YAP1: variants seen among roughly 807,000 people sequenced by gnomAD.
YAP1 encodes transcriptional coactivator YAP1.
A neutral mutation model predicts 56.9 loss-of-function variants in YAP1; 5 were observed. The ratio of observed to expected loss-of-function variants is 0.09; its 90% CI spans 0.05 to 0.18. The LOEUF (loss-of-function observed/expected upper bound fraction) is 0.18, where lower values mean the gene tolerates loss of function less well. Ranked by LOEUF, YAP1 falls within the 10% of genes least tolerant of loss-of-function variation. The probability of loss-of-function intolerance (pLI) is 1.00; values close to 1 mark genes in which losing one functional copy is unlikely to be tolerated. For synonymous variants in YAP1, 265 were observed against 248.1 expected (o/e 1.07, Z -0.64); for missense variants, 539 against 651.8 (o/e 0.83, Z 1.88).
intron 2 of YAP1, among the ~76,000 whole-genome samples, chr11:102,159,995 A>G (rs1484417388): frequency 1.3e-5 from 2 of 151,572 alleles, no homozygotes; most frequent in Non-Finnish European, 2.9e-5. Context: ...TGTATAGCTG[A>G]CAAAACCTGA....
At chr11:102,196,356 T>C (rs1311503312) in intron 4 of YAP1, among the ~76,000 whole-genome samples, 3 of 152,218 alleles carry the variant, frequency 2.0e-5, no homozygotes, top group Non-Finnish European at 4.4e-5. Context: ...AAATGTGGTA[T>C]ATTCATATAA....
chr11:102,112,073 C>T (rs1942966763), intron 1 of YAP1, among the ~76,000 whole-genome samples: 2 of 152,198 alleles, frequency 1.3e-5, no homozygotes, highest in Non-Finnish European at 2.9e-5. Flanking sequence ...GAATTAGCCA[C>T]ATCTGTACGT....
chr11:102,127,925 G>A (rs528384207), intron 2 of YAP1, among the ~76,000 whole-genome samples: 62 of 152,278 alleles, frequency 4.1e-4, no homozygotes, highest in African/African-American at 1.0e-3. Context: ...ACTGGATTTC[G>A]GACTCGCATG....
chr11:102,190,939 A>T (rs1356196176), intron 4 of YAP1, among the ~76,000 whole-genome samples: 1 of 151,860 alleles, frequency 6.6e-6, no homozygotes, highest in Non-Finnish European at 1.5e-5. Context: ...CCATCTCAAA[A>T]GCCGAGGCTG....
intron 6 of YAP1, among the ~76,000 whole-genome samples, chr11:102,220,476 T>C (rs887705675): frequency 2.6e-5 from 4 of 152,200 alleles, no homozygotes; most frequent in African/African-American, 4.8e-5. Context: ...AAATACACTT[T>C]GGCATTGCTT....
At chr11:102,111,651 C>G (rs1209635714) in intron 1 of YAP1, among the ~76,000 whole-genome samples, 5 of 152,138 alleles carry the variant, frequency 3.3e-5, no homozygotes, top group Non-Finnish European at 5.9e-5. Flanking sequence ...GGTGTGTTGC[C>G]AGCGGCGGCC....
chr11:102,185,449 G>A (rs1947897302), intron 3 of YAP1, among the ~76,000 whole-genome samples: 1 of 151,978 alleles, frequency 6.6e-6, no homozygotes, highest in African/African-American at 2.4e-5. Flanking sequence ...TTTCTGGTCT[G>A]CTGAAAAATA....
At chr11:102,185,068 A>C (rs749581452) in intron 3 of YAP1, among the ~76,000 whole-genome samples, 23 of 152,222 alleles carry the variant, frequency 1.5e-4, no homozygotes, top group Non-Finnish European at 2.9e-4. Context: ...AGTCCACAGA[A>C]GAAAAGATTT....
chr11:102,183,719 T>TGTGTGC (rs1947770607), intron 3 of YAP1, among the ~76,000 whole-genome samples: 2 of 151,554 alleles, frequency 1.3e-5, no homozygotes, highest in African/African-American at 4.9e-5. Context: ...TGTGTGTGTG[T>TGTGTGC]GTGTGTGTGT....
At chr11:102,208,299 A>G (rs867199514) in intron 5 of YAP1, among the ~76,000 whole-genome samples, 3 of 152,076 alleles carry the variant, frequency 2.0e-5, no homozygotes, top group Admixed American at 6.6e-5. Flanking sequence ...AGTATCTGGA[A>G]CTCACTTGGT....
At chr11:102,223,485 T>G in intron 6 of YAP1, 137 bp from the exon 7 acceptor site, 2 of 916,670 alleles carry the variant, frequency 2.2e-6, no homozygotes. Context: ...TCATTCTGAT[T>G]GGGAAATGTA....
chr11:102,186,197 C>T (rs988374833), intron 4 of YAP1, 66 bp downstream of exon 4: 7 of 1,526,038 alleles, frequency 4.6e-6, no homozygotes, highest in African/African-American at 2.8e-5. Flanking sequence ...AAATATACTT[C>T]GGAAAGCACA....
intron 2 of YAP1, among the ~76,000 whole-genome samples, chr11:102,120,011 T>TA (rs1293094209): frequency 6.6e-6 from 1 of 152,322 alleles, no homozygotes; most frequent in Non-Finnish European, 1.5e-5. Flanking sequence ...AGGGAGGTCT[T>TA]AAAGAGCTGT....
rs1950412380 is a variant in YAP1 at position 102,230,800 on chromosome 11, A to T, written c.*860A>T. The T allele has an allele frequency of 6.6e-6, 1 of 152,216 alleles. No homozygotes were observed. The highest frequency in any genetic ancestry group is 1.5e-5 in the Non-Finnish European group (1 of 67,974). 9.4% of individuals were successfully genotyped at this position (152,216 alleles called of 1,614,324 possible). On this transcript the variant is annotated 3_prime_UTR_variant, in exon 9 of 9. Transcript: ENST00000282441. The stretch of plus-strand genomic sequence containing the variant: ...ATGGTTATTGTAGTTGTTTTGGTAA[A>T]ATCTTCATTTCCTGGTTTTTTTTAC...
intron 2 of YAP1, among the ~76,000 whole-genome samples, chr11:102,128,366 T>G (rs977837775): frequency 6.6e-6 from 1 of 152,144 alleles, no homozygotes; most frequent in Admixed American, 6.5e-5. Flanking sequence ...TCTCACGAGA[T>G]CTGATGGGTT....
At chr11:102,197,920 C>T (rs1490056633) in intron 4 of YAP1, among the ~76,000 whole-genome samples, 1 of 152,098 alleles carries the variant, frequency 6.6e-6, no homozygotes, top group Non-Finnish European at 1.5e-5. Context: ...CATGTGGGTG[C>T]ACCGCTCTGT....
intron 2 of YAP1, among the ~76,000 whole-genome samples, chr11:102,144,256 C>G (rs1358742832): frequency 3.3e-5 from 5 of 152,136 alleles, no homozygotes; most frequent in African/African-American, 4.8e-5. Context: ...ATTTTCTCAA[C>G]TATGTACAGA....
Position 102,112,384 on chromosome 11 carries a change from G to A in YAP1, c.321+1215G>A, listed in dbSNP as rs891535590. 4 of 966,628 alleles carry A rather than the reference G, an allele frequency of 4.1e-6. No homozygotes were observed. In the African/African-American group the frequency reaches 7.4e-5, roughly 18 times the overall value. The allele number at this position is 966,628 out of a possible 1,614,324, so 59.9% of individuals were successfully genotyped here. On this transcript the variant is annotated intron_variant, in intron 1 of 8. Coordinates refer to ENST00000282441, the MANE Select transcript of YAP1 (RefSeq NM_001130145.3). ...CAATAGGTCCCAGTGGATTTGTTTT[G>A]TGTAGGGTTCTCTCTTTTTCTTTCT...
At position 102,111,089 on chromosome 11, in the gene YAP1, C is replaced by T; in HGVS notation, c.241C>T (p.Pro81Ser). 2 of 1,613,480 alleles carry T rather than the reference C, an allele frequency of 1.2e-6. No individual in the cohort carries two copies. The change falls in exon 1 of 9, where the codon CCC becomes TCC. Residue 81 changes from proline to serine, a missense_variant. By Grantham distance (74) the Pro-to-Ser change is moderately conservative. This residue lies in a region of YAP1 where 414 missense variants were observed against 512.4 expected (regional missense o/e 0.81). Coordinates refer to ENST00000282441, the MANE Select transcript of YAP1 (RefSeq NM_001130145.3). ...CATGAACCCCAAGACGGCCAACGTG[C>T]CCCAGACCGTGCCCATGAGGCTCCG... ...AVMNPKTANV[P>S]QTVPMRLRKL...
Sources: gnomAD v4.1 joint callset for allele counts (sites outside exome capture counted in the v4.1 genomes callset) on GRCh38, gnomAD v4.1.1 for gene constraint, gnomAD v4.1.1 regional missense constraint, MANE v1.5 for transcripts, NCBI Gene and HGNC (gene_info 2026-07-23, HGNC 2026-07-21) for gene names.